Variants in ACVR2A observed in about 807,000 individuals in gnomAD.
The protein encoded by ACVR2A is activin receptor type-2A.
A neutral mutation model predicts 61.4 loss-of-function variants in ACVR2A; 7 were observed. The ratio of observed to expected loss-of-function variants is 0.11; its 90% CI spans 0.06 to 0.21. The LOEUF is 0.21. ACVR2A is among the 10% of genes least tolerant of loss of function. ACVR2A has a pLI of 1.00. For synonymous variants in ACVR2A, 193 were observed against 208.3 expected, an observed-to-expected ratio of 0.93 and a Z score of 0.63; for missense variants, 322 against 621.7, an observed-to-expected ratio of 0.52 and a Z score of 5.13.
At chr2:147,921,897 A>G (rs977449725) in intron 8 of ACVR2A, among the ~76,000 whole-genome samples, 1 of 152,166 alleles carries the variant, frequency 6.6e-6, no homozygotes, top group Non-Finnish European at 1.5e-5. Flanking sequence ...TTTAGATTTC[A>G]TGGACCAGAA....
chr2:147,884,488 A>C (rs2105175101), intron 1 of ACVR2A, among the ~76,000 whole-genome samples: 1 of 152,282 alleles, frequency 6.6e-6, no homozygotes. Context: ...TGGGCAATAT[A>C]CAGTGTATCT....
chr2:147,907,907 T>TTATAAACTACATTTAAAATA (rs1687024438), intron 4 of ACVR2A, among the ~76,000 whole-genome samples: 2 of 151,598 alleles, frequency 1.3e-5, no homozygotes, highest in Non-Finnish European at 2.9e-5. Flanking sequence ...GGCATGGTGG[T>TTATAAACTACATTTAAAATA]GCACACCTGT....
chr2:147,913,593 C>G (rs529263377), intron 4 of ACVR2A, among the ~76,000 whole-genome samples: 2 of 151,532 alleles, frequency 1.3e-5, no homozygotes, highest in African/African-American at 4.8e-5. Context: ...GCAGTCTGCT[C>G]TGATCAGTAG....
intron 1 of ACVR2A, among the ~76,000 whole-genome samples, chr2:147,863,619 G>C (rs1457284905): frequency 1.3e-5 from 2 of 152,112 alleles, no homozygotes; most frequent in Non-Finnish European, 2.9e-5. Context: ...ATGCTATTAA[G>C]AAAAATCATA....
chr2:147,895,724 G>T (rs1052063091), intron 1 of ACVR2A, among the ~76,000 whole-genome samples: 5 of 152,004 alleles, frequency 3.3e-5, no homozygotes, highest in African/African-American at 1.2e-4. Flanking sequence ...AAATAATATT[G>T]TCTTTTCTTT....
intron 1 of ACVR2A, among the ~76,000 whole-genome samples, chr2:147,862,511 A>T (rs1685751352): frequency 6.6e-6 from 1 of 152,166 alleles, no homozygotes; most frequent in Non-Finnish European, 1.5e-5. Context: ...TGGGAGGCAG[A>T]GGCGGGCAGA....
chr2:147,926,283 G>T, intron 10 of ACVR2A, 122 bp downstream of exon 10: 1 of 1,267,498 alleles, frequency 7.9e-7, no homozygotes, highest in Non-Finnish European at 1.1e-6. Context: ...CTTCACACAG[G>T]ATATTCTAGA....
chr2:147,915,250 A>T lies in ACVR2A; in HGVS notation c.588A>T (p.Glu196Asp). 1 of 1,612,436 alleles carries T rather than the reference A, an allele frequency of 6.2e-7. No homozygotes were observed. Among genetic ancestry groups the T allele is most frequent in the Non-Finnish European group, 8.5e-7 (1 of 1,178,814 alleles). The change falls in exon 5 of 11, where the codon GAA becomes GAT. Residue 196 changes from glutamate (E) to aspartate (D), a missense_variant. Glu to Asp is a conservative substitution (Grantham distance 45, BLOSUM62 2). Transcript: ENST00000241416. The stretch of plus-strand genomic sequence containing the variant: ...GTTTGAAACCACTGCAGTTATTAGA[A>T]GTGAAAGCAAGGGGAAGATTTGGTT... ...LLGLKPLQLL[E>D]VKARGRFGCV...
intron 1 of ACVR2A, among the ~76,000 whole-genome samples, chr2:147,882,644 T>A (rs375340105): frequency 4.2e-4 from 64 of 152,342 alleles, no homozygotes; most frequent in Admixed American, 2.0e-4. Flanking sequence ...ACATGCCACA[T>A]GCACATTGTC....
intron 9 of ACVR2A, among the ~76,000 whole-genome samples, chr2:147,923,683 T>A (rs904548118): frequency 5.3e-5 from 8 of 152,216 alleles, no homozygotes; most frequent in African/African-American, 1.9e-4. Flanking sequence ...AGCACTGTCT[T>A]TAGTACTCCT....
chr2:147,926,571 T>C (rs768206174), intron 10 of ACVR2A, among the ~76,000 whole-genome samples: 1 of 151,974 alleles, frequency 6.6e-6, no homozygotes, highest in South Asian at 2.1e-4. Flanking sequence ...TAATTTCGGC[T>C]TAGACTTTCA....
At chr2:147,912,752 A>G (rs187655571) in intron 4 of ACVR2A, among the ~76,000 whole-genome samples, 70 of 152,036 alleles carry the variant, frequency 4.6e-4, no homozygotes, top group African/African-American at 1.7e-3. Context: ...TCATTTTTGA[A>G]CCCAATCCTT....
chr2:147,844,978 TTTTTTTTTTAACCCAGTGAGCG>T (rs1558955595), upstream of ACVR2A: 1 of 406,158 alleles, frequency 2.5e-6, no homozygotes, highest in Non-Finnish European at 4.3e-6. Flanking sequence ...TTTTTTTCTT[TTTTTTTTTTAACCCAGTGAGCG>T]TTTTTTTTTT....
intron 1 of ACVR2A, among the ~76,000 whole-genome samples, chr2:147,892,380 C>T (rs565482222): frequency 6.6e-6 from 1 of 151,114 alleles, no homozygotes; most frequent in South Asian, 2.1e-4. Flanking sequence ...CATTACTGCC[C>T]ACAAATACTG....
chr2:147,915,117 CTTT>C, intron 4 of ACVR2A, 71 bp from the exon 5 acceptor site: 1 of 1,459,156 alleles, frequency 6.9e-7, no homozygotes, highest in Non-Finnish European at 9.5e-7. Context: ...AGTATACTCA[CTTT>C]TTTTCTCATT....
At chr2:147,874,478 T>C (rs1686104973) in intron 1 of ACVR2A, among the ~76,000 whole-genome samples, 1 of 151,984 alleles carries the variant, frequency 6.6e-6, no homozygotes, top group South Asian at 2.1e-4. Flanking sequence ...AAAGCAGTTT[T>C]CAGAGTTCAG....
intron 1 of ACVR2A, among the ~76,000 whole-genome samples, chr2:147,875,695 A>G (rs1686136387): frequency 6.6e-6 from 1 of 152,034 alleles, no homozygotes; most frequent in Non-Finnish European, 1.5e-5. Flanking sequence ...TAAATTAGGA[A>G]TGGTATGCTT....
At chr2:147,865,444 G>A (rs1685829734) in intron 1 of ACVR2A, among the ~76,000 whole-genome samples, 1 of 152,118 alleles carries the variant, frequency 6.6e-6, no homozygotes, top group African/African-American at 2.4e-5. Flanking sequence ...TAAGTTTGAC[G>A]CTATTGTCTG....
At chr2:147,869,271 T>C (rs1203982358) in intron 1 of ACVR2A, among the ~76,000 whole-genome samples, 2 of 152,194 alleles carry the variant, frequency 1.3e-5, no homozygotes, top group African/African-American at 2.4e-5. Context: ...CTGGAAGTGT[T>C]AATATACGTA....
Sources: gnomAD v4.1 joint callset for allele counts (sites outside exome capture counted in the v4.1 genomes callset) on GRCh38, gnomAD v4.1.1 for gene constraint, MANE v1.5 for transcripts, NCBI Gene and HGNC (gene_info 2026-07-23, HGNC 2026-07-21) for gene names.